SLMAP: variants seen among roughly 807,000 people sequenced by gnomAD.
SLMAP encodes sarcolemma associated protein.
SLMAP carries 44 observed loss-of-function variants against 128.8 expected under a neutral mutation model. That is an observed-to-expected ratio of 0.34 (90% confidence interval 0.27 to 0.44). SLMAP has a LOEUF of 0.44. Ranked by LOEUF, SLMAP falls within the 20% of genes least tolerant of loss-of-function variation. SLMAP has a pLI of 1.00. For missense variants in SLMAP, 787 were observed against 985.3 expected (o/e 0.80, Z 2.69); for synonymous variants, 327 against 348.8 (o/e 0.94, Z 0.70).
chr3:57,794,230 G>T (rs2086179476), intron 2 of SLMAP, among the ~76,000 whole-genome samples: 1 of 151,776 alleles, frequency 6.6e-6, no homozygotes, highest in African/African-American at 2.4e-5. Context: ...CCAAAATTCT[G>T]TTCGTACGCT....
At chr3:57,849,553 T>C (rs558949360) in intron 5 of SLMAP, among the ~76,000 whole-genome samples, 1 of 152,336 alleles carries the variant, frequency 6.6e-6, no homozygotes, top group South Asian at 2.1e-4. Flanking sequence ...TTAGGAGGTT[T>C]TATTTCTGGA....
At chr3:57,890,910 T>C (rs2096051134) in intron 15 of SLMAP, 1 of 152,238 alleles carries the variant, frequency 6.6e-6, no homozygotes. Flanking sequence ...ATTTGACTTT[T>C]TTAACCATGT....
intron 2 of SLMAP, among the ~76,000 whole-genome samples, chr3:57,804,773 A>G (rs2089447348): frequency 1.3e-5 from 2 of 152,092 alleles, no homozygotes; most frequent in South Asian, 4.1e-4. Context: ...AGTATATAGT[A>G]CCAATTTACT....
At chr3:57,814,576 G>A (rs2091576129) in intron 2 of SLMAP, among the ~76,000 whole-genome samples, 2 of 152,158 alleles carry the variant, frequency 1.3e-5, no homozygotes, top group Non-Finnish European at 2.9e-5. Context: ...TCATAAATTG[G>A]TTCACACTGT....
chr3:57,796,585 C>T (rs991617616), intron 2 of SLMAP, among the ~76,000 whole-genome samples: 4 of 152,190 alleles, frequency 2.6e-5, no homozygotes, highest in African/African-American at 9.7e-5. Flanking sequence ...TGGCAACAGT[C>T]ACCATATAAG....
At chr3:57,891,055 G>C (rs968449297) in intron 15 of SLMAP, 1 of 152,012 alleles carries the variant, frequency 6.6e-6, no homozygotes, top group Non-Finnish European at 1.5e-5. Context: ...TTGAGTTTCA[G>C]AACAGTGAAC....
rs2097033819 is a variant in SLMAP at position 57,927,933 on chromosome 3, T to C, written c.*644T>C. On this transcript the variant is annotated 3_prime_UTR_variant, in exon 25 of 25. Transcript: ENST00000671191. ...TGGGAACAAGACTTAGAGACAACTA[T>C]TTGCGTGGATTTTTTTTTTTTTAAG... 6.6e-6 allele frequency: 1 copy of C among 152,416 alleles called. No homozygotes were observed. Among genetic ancestry groups the C allele is most frequent in the African/African-American group, 2.4e-5 (1 of 41,342 alleles). The allele number at this position is 152,416 out of a possible 1,614,324, so 9.4% of individuals were successfully genotyped here.
At chr3:57,901,464 A>T (rs1395561103) in intron 17 of SLMAP, 1 of 152,110 alleles carries the variant, frequency 6.6e-6, no homozygotes, top group African/African-American at 2.4e-5. Flanking sequence ...ATTTGAAATG[A>T]CTCTATAAAT....
At chr3:57,854,352 C>T (rs1182705345) in intron 6 of SLMAP, among the ~76,000 whole-genome samples, 1 of 151,744 alleles carries the variant, frequency 6.6e-6, no homozygotes. Flanking sequence ...AATCCCAACA[C>T]TTTGGGAGGC....
At chr3:57,915,222 T>C (rs2096786363) in intron 21 of SLMAP, among the ~76,000 whole-genome samples, 1 of 152,210 alleles carries the variant, frequency 6.6e-6, no homozygotes, top group Non-Finnish European at 1.5e-5. Flanking sequence ...TAAGATGTGA[T>C]TAATTGGAAT....
At chr3:57,820,360 G>A (rs921155000) in intron 2 of SLMAP, among the ~76,000 whole-genome samples, 3 of 152,060 alleles carry the variant, frequency 2.0e-5, no homozygotes, top group African/African-American at 7.2e-5. Flanking sequence ...TATCAGTTAA[G>A]TAGGAGCCTC....
At chr3:57,763,305 C>T (rs1166482690) in intron 2 of SLMAP, among the ~76,000 whole-genome samples, 19 of 147,000 alleles carry the variant, frequency 1.3e-4, no homozygotes, top group Non-Finnish European at 2.8e-4. Context: ...GATGGAGTCT[C>T]GCTCTGTCAC....
chr3:57,906,674 A>ATAT (rs1553638373), intron 17 of SLMAP, among the ~76,000 whole-genome samples: 7 of 67,456 alleles, frequency 1.0e-4, no homozygotes, highest in African/African-American at 2.6e-4. Context: ...ATGAAAAAAA[A>ATAT]ATATATATAT....
In SLMAP at chr3:57,896,917, G is replaced by A. The variant is rs1368014490; in HGVS notation, c.1486G>A (p.Val496Met). The change falls in exon 17 of 25, where the codon GTG (valine) becomes ATG (methionine). Residue 496 changes from valine to methionine, a missense_variant. Around this residue, in one of 2 missense-constraint regions of SLMAP, gnomAD observed 715 missense variants for 843.6 expected, o/e 0.85. Transcript: ENST00000671191. Reference protein sequence around the residue: ...EQDLNEPLAKVSLLKDDLQGA... With the variant: ...EQDLNEPLAKMSLLKDDLQGA... ...AGACCTAAATGAGCCTCTTGCCAAA[G>A]TGTCCCTTTTAAAAGGTACTTTAAC... 2 of 1,613,054 alleles carry A rather than the reference G, an allele frequency of 1.2e-6. No homozygotes were observed. Among genetic ancestry groups the A allele is most frequent in the Admixed American group, 1.7e-5 (1 of 59,832 alleles).
chr3:57,803,498 C>T (rs1206853328), intron 2 of SLMAP, among the ~76,000 whole-genome samples: 2 of 152,150 alleles, frequency 1.3e-5, no homozygotes, highest in Admixed American at 1.3e-4. Context: ...GTTGCAAAGC[C>T]ATCTAGATCC....
At chr3:57,858,004 T>C (rs1356256343) in intron 7 of SLMAP, 84 bp from the exon 8 acceptor site, 23 of 994,888 alleles carry the variant, frequency 2.3e-5, no homozygotes, top group Non-Finnish European at 2.2e-5. Flanking sequence ...TTTATATCTT[T>C]TGTTGTCAGT....
intron 2 of SLMAP, among the ~76,000 whole-genome samples, chr3:57,774,228 G>T (rs1401798559): frequency 2.0e-5 from 3 of 152,124 alleles, no homozygotes; most frequent in Non-Finnish European, 4.4e-5. Flanking sequence ...AGTTAAGTTT[G>T]TTGGTTTTAA....
At chr3:57,764,226 G>C (rs771625033) in intron 2 of SLMAP, among the ~76,000 whole-genome samples, 1 of 152,118 alleles carries the variant, frequency 6.6e-6, no homozygotes, top group African/African-American at 2.4e-5. Context: ...AGTGGGCCGG[G>C]TGCGGTGGCT....
chr3:57,908,013 T>C lies in SLMAP; in HGVS notation c.1624+7T>C. The C allele has an allele frequency of 6.2e-7, 1 of 1,613,254 alleles. No homozygotes were observed. The highest frequency in any genetic ancestry group is 8.5e-7 in the Non-Finnish European group (1 of 1,179,490). On this transcript the variant is annotated splice_region_variant and intron_variant, in intron 18 of 24. Transcript: ENST00000671191. ...AAATGCTTTGAACTTCAAGGTGAGA[T>C]CAAGATTACTTTGGTTCTTTAGGGA...
Sources: allele counts gnomAD v4.1 joint callset (sites outside exome capture counted in the v4.1 genomes callset), GRCh38; gene constraint gnomAD v4.1.1; regional missense constraint gnomAD v4.1.1; transcripts MANE v1.5; gene names NCBI Gene and HGNC (gene_info 2026-07-23, HGNC 2026-07-21).